Variants in IL1RAPL1 observed in about 807,000 individuals in gnomAD.
The protein encoded by IL1RAPL1 is interleukin-1 receptor accessory protein-like 1.
IL1RAPL1 carries 3 observed loss-of-function variants against 48.4 expected under a neutral mutation model. The ratio of observed to expected loss-of-function variants is 0.06; its 90% confidence interval spans 0.03 to 0.16. The LOEUF (loss-of-function observed/expected upper bound fraction) is 0.16. IL1RAPL1 is among the 10% of genes least tolerant of loss of function. The pLI, the probability that IL1RAPL1 is intolerant of heterozygous loss-of-function variation, is 1.00. For missense variants in IL1RAPL1, 349 were observed against 530.6 expected (o/e 0.66, Z 3.36); for synonymous variants, 185 against 187.7 (o/e 0.99, Z 0.12).
intron 2 of IL1RAPL1, among the ~76,000 whole-genome samples, chrX:29,094,932 A>T (rs1039571822): frequency 3.8e-5 from 4 of 106,139 alleles, no homozygotes; most frequent in Non-Finnish European, 5.8e-5. Flanking sequence ...ATTTACATTG[A>T]TTTTTAATTT....
intron 1 of IL1RAPL1, among the ~76,000 whole-genome samples, chrX:28,606,083 A>G (rs1263471833): frequency 9.0e-6 from 1 of 111,669 alleles, no homozygotes; most frequent in Admixed American, 9.6e-5. Flanking sequence ...TAACTTTTTT[A>G]TAAGTTATTT....
chrX:29,758,346 G>A (rs1476842501), intron 6 of IL1RAPL1, among the ~76,000 whole-genome samples: 1 of 111,020 alleles, frequency 9.0e-6, no homozygotes, highest in Non-Finnish European at 1.9e-5. Flanking sequence ...AATAGAAGAG[G>A]TGAAAGAAAG....
At chrX:29,158,939 CCT>C (rs1223369541) in intron 2 of IL1RAPL1, among the ~76,000 whole-genome samples, 45 of 58,824 alleles carry the variant, frequency 7.6e-4, no homozygotes, top group African/African-American at 2.5e-3. Flanking sequence ...TCTCCCCCCC[CCT>C]CCCTCCCTCT....
intron 2 of IL1RAPL1, among the ~76,000 whole-genome samples, chrX:29,064,485 T>G (rs1927407864): frequency 8.9e-6 from 1 of 111,991 alleles, no homozygotes; most frequent in Non-Finnish European, 1.9e-5. Flanking sequence ...AGCCAAAGAA[T>G]AAATCCATGA....
At chrX:29,521,803 T>C (rs1200537498) in intron 5 of IL1RAPL1, among the ~76,000 whole-genome samples, 3 of 112,114 alleles carry the variant, frequency 2.7e-5, no homozygotes, top group Non-Finnish European at 5.6e-5. Flanking sequence ...TACTTTAAAT[T>C]CTACTGTACA....
intron 2 of IL1RAPL1, among the ~76,000 whole-genome samples, chrX:29,230,520 A>AAAAAACAAAC (rs1569265276): frequency 6.2e-5 from 6 of 96,829 alleles, no homozygotes; most frequent in African/African-American, 1.9e-4. Context: ...AAAAAAAAAA[A>AAAAAACAAAC]AAAAAAAAAA....
chrX:29,147,008 G>A (rs775550869), intron 2 of IL1RAPL1, among the ~76,000 whole-genome samples: 1 of 112,203 alleles, frequency 8.9e-6, no homozygotes, highest in African/African-American at 3.2e-5. Context: ...TCTATTTCCA[G>A]TTCAGATGGT....
intron 2 of IL1RAPL1, among the ~76,000 whole-genome samples, chrX:29,140,625 T>C (rs1242067878): frequency 8.9e-6 from 1 of 112,135 alleles, no homozygotes; most frequent in Non-Finnish European, 1.9e-5. Flanking sequence ...CCATTCAGAC[T>C]ATTATAGCAA....
At chrX:29,618,529 C>A (rs373531719) in intron 5 of IL1RAPL1, among the ~76,000 whole-genome samples, 7 of 111,690 alleles carry the variant, frequency 6.3e-5, no homozygotes, top group African/African-American at 2.0e-4. Flanking sequence ...AGGGGAAAAT[C>A]ATTTTCCTTG....
intron 6 of IL1RAPL1, among the ~76,000 whole-genome samples, chrX:29,764,790 T>G (rs748710242): frequency 8.9e-6 from 1 of 112,181 alleles, no homozygotes; most frequent in East Asian, 2.8e-4. Context: ...TCAGAGCACA[T>G]TTTTGTTTAA....
intron 2 of IL1RAPL1, among the ~76,000 whole-genome samples, chrX:28,958,627 C>T (rs114956151): frequency 0.013 from 1,457 of 111,143 alleles, 24 homozygotes; most frequent in African/African-American, 0.045. Context: ...ATTTTTTAAA[C>T]AGTTTGTCTA....
chrX:28,820,006 A>G (rs1936918282), intron 2 of IL1RAPL1, among the ~76,000 whole-genome samples: 2 of 84,992 alleles, frequency 2.4e-5, no homozygotes, highest in Non-Finnish European at 4.5e-5. Flanking sequence ...ATATATATAT[A>G]TATATATACA....
At chrX:29,647,624 C>T (rs1411678482) in intron 5 of IL1RAPL1, among the ~76,000 whole-genome samples, 1 of 110,594 alleles carries the variant, frequency 9.0e-6, no homozygotes, top group Non-Finnish European at 1.9e-5. Flanking sequence ...CTCATGGTAA[C>T]CACAAAGCAA....
intron 1 of IL1RAPL1, among the ~76,000 whole-genome samples, chrX:28,664,304 A>G (rs1033722081): frequency 1.1e-4 from 12 of 112,454 alleles, no homozygotes; most frequent in Middle Eastern, 4.7e-3. Flanking sequence ...ATTTTTTTGA[A>G]CATGAAGGAA....
intron 5 of IL1RAPL1, among the ~76,000 whole-genome samples, chrX:29,593,120 T>C (rs914963915): frequency 9.0e-6 from 1 of 111,664 alleles, no homozygotes; most frequent in Non-Finnish European, 1.9e-5. Context: ...GCCATGGTGT[T>C]TGCTAGGTTT....
intron 5 of IL1RAPL1, among the ~76,000 whole-genome samples, chrX:29,532,797 G>A (rs1225312823): frequency 8.9e-6 from 1 of 111,988 alleles, no homozygotes; most frequent in Non-Finnish European, 1.9e-5. Flanking sequence ...AACTCTTCAA[G>A]CATTTCTTAT....
rs1035841253 is a variant in IL1RAPL1 at position 29,752,954 on chromosome X, T to A, written c.778+84450T>A. On this transcript the variant is annotated intron_variant, in intron 6 of 10. Coordinates refer to ENST00000378993, the MANE Select transcript of IL1RAPL1 (RefSeq NM_014271.4). ...TCCAATATATTTGTCCTTAGCATCA[T>A]TAATCTATTCCTTGTAAGGTTGGAG... 2.7e-5 allele frequency among the ~76,000 whole-genome samples: 3 copies of A among 112,109 alleles called. No individual in the cohort carries two copies. In the Admixed American group the frequency reaches 2.8e-4, roughly 11 times the overall value.
intron 2 of IL1RAPL1, among the ~76,000 whole-genome samples, chrX:29,158,347 G>A (rs770683553): frequency 6.3e-5 from 7 of 111,695 alleles, no homozygotes; most frequent in Non-Finnish European, 1.3e-4. Flanking sequence ...TCTTAGCATA[G>A]AAAATATTCA....
chrX:29,210,071 T>C (rs1206990756), intron 2 of IL1RAPL1, among the ~76,000 whole-genome samples: 1 of 112,264 alleles, frequency 8.9e-6, no homozygotes, highest in Non-Finnish European at 1.9e-5. Flanking sequence ...ATCATGTGTT[T>C]TGTGAGGTAT....
Sources: gnomAD v4.1 joint callset for allele counts (sites outside exome capture counted in the v4.1 genomes callset) on GRCh38, gnomAD v4.1.1 for gene constraint, MANE v1.5 for transcripts, NCBI Gene and HGNC (gene_info 2026-07-23, HGNC 2026-07-21) for gene names.